Variants in NEXMIF observed in about 807,000 individuals in gnomAD.
NEXMIF encodes the protein neurite extension and migration factor, also known as XLMR protein related to neurite extension.
In NEXMIF, 8 loss-of-function variants were observed where a neutral mutation model predicts 62.1. That is an observed-to-expected ratio of 0.13 (90% confidence interval 0.08 to 0.23). The LOEUF is 0.23. Ranked by LOEUF, NEXMIF falls within the 10% of genes least tolerant of loss-of-function variation. The probability of loss-of-function intolerance (pLI) is 1.00; values close to 1 mark genes in which losing one functional copy is unlikely to be tolerated. For synonymous variants in NEXMIF, 404 were observed against 416.6 expected (o/e 0.97, Z 0.37); for missense variants, 976 against 1,113.3 (o/e 0.88, Z 1.75).
chrX:74,761,052 G>C (rs770399958), intron 1 of NEXMIF, among the ~76,000 whole-genome samples: 1 of 109,210 alleles, frequency 9.2e-6, no homozygotes, highest in South Asian at 4.0e-4. Context: ...TGTATTTTTA[G>C]TAGAGATGGG....
chrX:74,875,670 G>A (rs1203423493), intron 1 of NEXMIF, among the ~76,000 whole-genome samples: 1 of 111,686 alleles, frequency 9.0e-6, no homozygotes, highest in Non-Finnish European at 1.9e-5. Flanking sequence ...TACAATTTCC[G>A]AGCGTGTTAT....
At chrX:74,886,709 C>A (rs1331648369) in intron 1 of NEXMIF, among the ~76,000 whole-genome samples, 1 of 109,998 alleles carries the variant, frequency 9.1e-6, no homozygotes, top group Non-Finnish European at 1.9e-5. Context: ...AATATCATGA[C>A]AATGGCCATA....
rs771341881 is a variant in NEXMIF at position 74,745,681 on chromosome X, T to G, written c.-31A>C. 2 of 926,341 alleles carry G rather than the reference T, an allele frequency of 2.2e-6. No homozygotes were observed. Among genetic ancestry groups the G allele is most frequent in the Non-Finnish European group, 3.1e-6 (2 of 636,340 alleles). 76.3% of individuals were successfully genotyped at this position (926,341 alleles called of 1,213,427 possible). A position where few individuals can be genotyped will look rare whatever the true frequency, so the allele number is the denominator to read the frequency against. On this transcript the variant is annotated 5_prime_UTR_variant, in exon 2 of 4. Transcript: ENST00000055682. The stretch of plus-strand genomic sequence containing the variant: ...TAACCTCTTATTGTTTCATTCCAAG[T>G]CCAAATGCTGTCCAACCTGCACATT...
intron 1 of NEXMIF, among the ~76,000 whole-genome samples, chrX:74,830,961 TG>T (rs2080434678): frequency 1.9e-5 from 2 of 103,045 alleles, no homozygotes; most frequent in Admixed American, 2.0e-4. Context: ...GTGGCATCGT[TG>T]TTTTTTTTCA....
At chrX:74,818,467 T>C (rs2080383338) in intron 1 of NEXMIF, among the ~76,000 whole-genome samples, 1 of 111,609 alleles carries the variant, frequency 9.0e-6, no homozygotes, top group Non-Finnish European at 1.9e-5. Context: ...TATACAAAAA[T>C]CAACTCAAGA....
At chrX:74,800,285 G>A (rs2080325539) in intron 1 of NEXMIF, among the ~76,000 whole-genome samples, 1 of 111,462 alleles carries the variant, frequency 9.0e-6, no homozygotes. Context: ...TCTATCCTGA[G>A]TAATCTGAGT....
At chrX:74,744,939 C>T (rs1266238341) in intron 2 of NEXMIF, among the ~76,000 whole-genome samples, 1 of 103,025 alleles carries the variant, frequency 9.7e-6, no homozygotes, top group African/African-American at 3.5e-5. Context: ...TCCTCTCTCT[C>T]TCTCTCTCTC....
intron 1 of NEXMIF, among the ~76,000 whole-genome samples, chrX:74,757,426 C>T (rs2080162762): frequency 8.9e-6 from 1 of 111,926 alleles, no homozygotes; most frequent in African/African-American, 3.2e-5. Flanking sequence ...GAAAGGCTTC[C>T]CTTTTGCCAT....
intron 1 of NEXMIF, among the ~76,000 whole-genome samples, chrX:74,831,812 T>C (rs1292242733): frequency 1.8e-5 from 2 of 112,010 alleles, no homozygotes; most frequent in Admixed American, 1.9e-4. Flanking sequence ...TTTTTGAGAA[T>C]TTTTATCATG....
At chrX:74,904,394 C>A (rs899052497) in intron 1 of NEXMIF, among the ~76,000 whole-genome samples, 1 of 111,926 alleles carries the variant, frequency 8.9e-6, no homozygotes, top group Non-Finnish European at 1.9e-5. Context: ...CAATTCCCTG[C>A]CTATACCATT....
At chrX:74,883,003 T>C (rs751767066) in intron 1 of NEXMIF, among the ~76,000 whole-genome samples, 4 of 111,789 alleles carry the variant, frequency 3.6e-5, no homozygotes, top group African/African-American at 1.3e-4. Flanking sequence ...TCCGCTGTTC[T>C]GCAGCCACCA....
At chrX:74,810,042 G>A (rs975103572) in intron 1 of NEXMIF, among the ~76,000 whole-genome samples, 1 of 111,648 alleles carries the variant, frequency 9.0e-6, no homozygotes, top group Non-Finnish European at 1.9e-5. Flanking sequence ...TATGGCTTTG[G>A]TATTCTTGAA....
intron 1 of NEXMIF, among the ~76,000 whole-genome samples, chrX:74,903,908 T>C (rs1385953995): frequency 9.2e-6 from 1 of 109,158 alleles, no homozygotes; most frequent in African/African-American, 3.4e-5. Flanking sequence ...TGTGTGTGTG[T>C]GTGTGTGTGT....
intron 1 of NEXMIF, among the ~76,000 whole-genome samples, chrX:74,786,205 G>C (rs1481245510): frequency 9.0e-6 from 1 of 111,471 alleles, no homozygotes; most frequent in Non-Finnish European, 1.9e-5. Flanking sequence ...GGGTTTTTCT[G>C]CTCAGGGTTT....
chrX:74,919,144 C>A (rs971932751), intron 1 of NEXMIF, among the ~76,000 whole-genome samples: 2 of 111,777 alleles, frequency 1.8e-5, no homozygotes, highest in Non-Finnish European at 3.8e-5. Context: ...TTAATTCTTA[C>A]CAGTCTTTCA....
Position 74,742,675 on chromosome X carries a change from G to T in NEXMIF, c.1882C>A (p.Arg628=). 1 of 1,211,109 alleles carries T rather than the reference G, an allele frequency of 8.3e-7. No homozygotes were observed. The highest frequency in any genetic ancestry group is 1.1e-6 in the Non-Finnish European group (1 of 895,170). The change falls in exon 3 of 4, where the codon CGA becomes AGA. Residue 628 remains arginine (R), a synonymous_variant. Coordinates refer to ENST00000055682, the MANE Select transcript of NEXMIF (RefSeq NM_001008537.3). ...TGCCTGTTGCCAAGTTTAGATTTTC[G>T]TTTGCGAGCAGGTGGCAGAAATGAC... ...EVSFLPPARK[R]KSKLGNRHRI...
chrX:74,761,708 G>A (rs971171629), intron 1 of NEXMIF, among the ~76,000 whole-genome samples: 2 of 109,788 alleles, frequency 1.8e-5, no homozygotes, highest in African/African-American at 6.6e-5. Flanking sequence ...ATGGTTTTTC[G>A]TGTCTTGACC....
At chrX:74,774,551 G>A (rs889615753) in intron 1 of NEXMIF, among the ~76,000 whole-genome samples, 16 of 112,131 alleles carry the variant, frequency 1.4e-4, no homozygotes, top group African/African-American at 3.6e-4. Flanking sequence ...ATGATACATC[G>A]TCATATCAAC....
At chrX:74,840,179 T>A (rs1026094717) in intron 1 of NEXMIF, among the ~76,000 whole-genome samples, 1 of 112,153 alleles carries the variant, frequency 8.9e-6, no homozygotes, top group African/African-American at 3.2e-5. Context: ...TTTTGAGCTA[T>A]TTTTCATATG....
Sources: allele counts gnomAD v4.1 joint callset (sites outside exome capture counted in the v4.1 genomes callset), GRCh38; gene constraint gnomAD v4.1.1; transcripts MANE v1.5; gene names NCBI Gene and HGNC (gene_info 2026-07-23, HGNC 2026-07-21).